The following NDUFAF2 variants were observed in gnomAD, a reference collection of about 807,000 sequenced individuals.
NDUFAF2 encodes NADH dehydrogenase [ubiquinone] 1 alpha subcomplex assembly factor 2.
NDUFAF2 carries 13 observed loss-of-function variants against 22.8 expected under a neutral mutation model. That is an observed-to-expected ratio of 0.57 (90% confidence interval 0.37 to 0.91). The LOEUF is 0.91. Among genes scored for constraint, NDUFAF2 ranks in the 40% least tolerant of loss-of-function variants. The probability of loss-of-function intolerance (pLI) is 0.01; values close to 1 mark genes in which losing one functional copy is unlikely to be tolerated. For missense variants in NDUFAF2, 162 were observed against 195.2 expected (o/e 0.83, Z 1.01); for synonymous variants, 53 against 64.2 (o/e 0.83, Z 0.84).
chr5:61,121,131 A>T (rs1217472037), intron 3 of NDUFAF2, among the ~76,000 whole-genome samples: 3 of 152,158 alleles, frequency 2.0e-5, no homozygotes, highest in African/African-American at 7.2e-5. Flanking sequence ...TTTATTCTCA[A>T]ATATTTATCA....
intron 1 of NDUFAF2, among the ~76,000 whole-genome samples, chr5:61,030,712 G>A (rs998143278): frequency 1.1e-4 from 16 of 152,066 alleles, no homozygotes; most frequent in African/African-American, 3.9e-4. Flanking sequence ...TCTGGATAGT[G>A]TAATGATTAT....
chr5:60,956,119 T>G (rs1268734307), intron 1 of NDUFAF2, among the ~76,000 whole-genome samples: 1 of 152,070 alleles, frequency 6.6e-6, no homozygotes, highest in Non-Finnish European at 1.5e-5. Context: ...CAGGCTGGTT[T>G]TAAACTCCTG....
intron 3 of NDUFAF2, among the ~76,000 whole-genome samples, chr5:61,136,496 A>G (rs773910676): frequency 3.3e-5 from 5 of 152,096 alleles, no homozygotes; most frequent in African/African-American, 4.8e-5. Flanking sequence ...AGTCCGTTGA[A>G]TATGTCTCAA....
intron 2 of NDUFAF2, among the ~76,000 whole-genome samples, chr5:61,095,021 A>AC (rs1188509472): frequency 1.3e-4 from 20 of 151,312 alleles, no homozygotes; most frequent in African/African-American, 4.9e-4. Context: ...TACCGCTTCC[A>AC]CCCCTGGTCA....
At chr5:61,123,597 G>A (rs1753001495) in intron 3 of NDUFAF2, among the ~76,000 whole-genome samples, 1 of 152,158 alleles carries the variant, frequency 6.6e-6, no homozygotes. Context: ...TGTAACCGTA[G>A]TGCACGTTGA....
intron 3 of NDUFAF2, among the ~76,000 whole-genome samples, chr5:61,112,477 G>T (rs183733332): frequency 6.6e-6 from 1 of 152,122 alleles, no homozygotes; most frequent in African/African-American, 2.4e-5. Context: ...CTCCCAAAGT[G>T]CTGGGATTAC....
At chr5:61,068,432 A>C (rs1178975408) in intron 1 of NDUFAF2, among the ~76,000 whole-genome samples, 1 of 152,154 alleles carries the variant, frequency 6.6e-6, no homozygotes, top group African/African-American at 2.4e-5. Flanking sequence ...TGCAACAATG[A>C]CATGAAAACC....
At chr5:61,109,259 G>T (rs1752805862) in intron 3 of NDUFAF2, among the ~76,000 whole-genome samples, 1 of 152,148 alleles carries the variant, frequency 6.6e-6, no homozygotes, top group South Asian at 2.1e-4. Flanking sequence ...ATTGTTTGCT[G>T]GTGGCATATA....
intron 1 of NDUFAF2, among the ~76,000 whole-genome samples, chr5:61,060,125 A>G (rs1471217007): frequency 6.6e-6 from 1 of 151,976 alleles, no homozygotes; most frequent in Non-Finnish European, 1.5e-5. Flanking sequence ...TCTCATCTGT[A>G]GAAGATTGTT....
intron 1 of NDUFAF2, among the ~76,000 whole-genome samples, chr5:61,063,284 G>C (rs1752188524): frequency 6.6e-6 from 1 of 151,844 alleles, no homozygotes; most frequent in South Asian, 2.1e-4. Flanking sequence ...GATTGCTTGA[G>C]TCCAGGAGTT....
intron 1 of NDUFAF2, among the ~76,000 whole-genome samples, chr5:61,022,372 G>T (rs1246891692): frequency 1.3e-5 from 2 of 152,126 alleles, no homozygotes; most frequent in Non-Finnish European, 2.9e-5. Flanking sequence ...GAAACTGGGA[G>T]AAATAAATTC....
intron 1 of NDUFAF2, among the ~76,000 whole-genome samples, chr5:60,972,947 T>G (rs1370803648): frequency 6.6e-6 from 1 of 152,026 alleles, no homozygotes; most frequent in East Asian, 1.9e-4. Flanking sequence ...AATGATATCC[T>G]TTAATTCTCA....
chr5:61,040,301 CGA>C (rs70977820), intron 1 of NDUFAF2, among the ~76,000 whole-genome samples: 4,433 of 145,848 alleles, frequency 0.03, 80 homozygotes, highest in Middle Eastern at 0.039. Flanking sequence ...CGCGCGCGCG[CGA>C]AAGTTGAAAG....
At chr5:61,100,946 C>T (rs1435999174) in intron 3 of NDUFAF2, among the ~76,000 whole-genome samples, 3 of 152,072 alleles carry the variant, frequency 2.0e-5, no homozygotes, top group African/African-American at 7.2e-5. Context: ...TGGTCTTCTC[C>T]TTTCAATGCT....
At chr5:61,080,659 G>A (rs1752430223) in intron 2 of NDUFAF2, among the ~76,000 whole-genome samples, 1 of 151,726 alleles carries the variant, frequency 6.6e-6, no homozygotes, top group African/African-American at 2.4e-5. Flanking sequence ...ATCTTCTTTG[G>A]TGTACTTTTA....
intron 3 of NDUFAF2, among the ~76,000 whole-genome samples, chr5:61,117,488 T>G (rs2111793764): frequency 6.6e-6 from 1 of 152,262 alleles, no homozygotes; most frequent in South Asian, 2.1e-4. Context: ...CCCAAGTAGC[T>G]GGGGCTGCAA....
chr5:61,007,329 A>C (rs559170826), intron 1 of NDUFAF2, among the ~76,000 whole-genome samples: 1 of 152,006 alleles, frequency 6.6e-6, no homozygotes, highest in East Asian at 1.9e-4. Flanking sequence ...TCAGCTTTCT[A>C]CATATGGCTA....
intron 1 of NDUFAF2, among the ~76,000 whole-genome samples, chr5:60,998,504 A>T (rs1580087187): frequency 6.6e-6 from 1 of 152,106 alleles, no homozygotes; most frequent in East Asian, 1.9e-4. Context: ...CAACATGATG[A>T]AAACCTATTT....
intron 3 of NDUFAF2, among the ~76,000 whole-genome samples, chr5:61,120,994 G>T (rs528140330): frequency 1.3e-5 from 2 of 151,752 alleles, no homozygotes; most frequent in East Asian, 3.9e-4. Context: ...AGATAAATTT[G>T]ACATTTTTTT....
Sources: gnomAD v4.1 joint callset for allele counts (sites outside exome capture counted in the v4.1 genomes callset) on GRCh38, gnomAD v4.1.1 for gene constraint, MANE v1.5 for transcripts, NCBI Gene and HGNC (gene_info 2026-07-23, HGNC 2026-07-21) for gene names.